Variants in ZSWIM8 observed in about 807,000 individuals in gnomAD.
The protein encoded by ZSWIM8 is zinc finger SWIM-type containing 8, also known as zinc finger SWIM domain-containing protein 8.
ZSWIM8 carries 27 observed loss-of-function variants against 173.7 expected under a neutral mutation model. The observed-to-expected ratio is 0.16, with a 90% CI of 0.11 to 0.21. ZSWIM8 has a LOEUF of 0.21. ZSWIM8 is among the 10% of genes least tolerant of loss of function. The pLI, the probability that ZSWIM8 is intolerant of heterozygous loss-of-function variation, is 1.00. For missense variants in ZSWIM8, 1,627 were observed against 2,428.8 expected (o/e 0.67, Z 6.94); for synonymous variants, 958 against 962.0 (o/e 1.00, Z 0.08).
At position 73,792,982 on chromosome 10, in the gene ZSWIM8, C is replaced by A; in HGVS notation, c.2313+130C>A. 1 of 1,131,388 alleles carries A rather than the reference C, an allele frequency of 8.8e-7. No individual in the cohort carries two copies. Among genetic ancestry groups the A allele is most frequent in the Non-Finnish European group, 1.2e-6 (1 of 812,726 alleles). The allele number at this position is 1,131,388 out of a possible 1,614,324, so 70.1% of individuals were successfully genotyped here. A position where few individuals can be genotyped will look rare whatever the true frequency, so the allele number is the denominator to read the frequency against. On this transcript the variant is annotated intron_variant, in intron 10 of 25. Coordinates refer to ENST00000604729, the MANE Select transcript of ZSWIM8 (RefSeq NM_001367799.1). The surrounding 1 kb of genome is among the most constrained non-coding windows in gnomAD (Gnocchi z 4.3). ...ACCCTGTTGCAGGCGCCGAACTGGT[C>A]TCCCTGCTTTCAGTCTACTCACTTT...
rs747609213 is a variant in ZSWIM8 at position 73,791,936 on chromosome 10, A to G, written c.1397A>G (p.Lys466Arg). ...AACGTCAAGCGGGGCCAACACAAGA[A>G]GACGCTGGAGCGGCTCTTCCCCGGC... ...IENVKRGQHK[K>R]TLERLFPGFR... The change falls in exon 10 of 26, where the codon AAG becomes AGG. Residue 466 changes from lysine (K) to arginine (R), a missense_variant. Around this residue, in one of 18 missense-constraint regions of ZSWIM8, gnomAD observed 103 missense variants for 155.6 expected, o/e 0.66. Coordinates refer to ENST00000604729, the MANE Select transcript of ZSWIM8 (RefSeq NM_001367799.1). This position sits in a 1 kb window ranked among gnomAD's most constrained non-coding sequence, Gnocchi z 6.0. The G allele has an allele frequency of 3.2e-6, 5 of 1,551,992 alleles. No homozygotes were observed. The highest frequency in any genetic ancestry group is 4.4e-6 in the Non-Finnish European group (5 of 1,147,250).
rs1338789904 is a variant in ZSWIM8 at position 73,800,817 on chromosome 10, C to G, written c.5122+58C>G. The G allele has an allele frequency of 7.5e-7, 1 of 1,335,934 alleles. No homozygotes were observed. Among genetic ancestry groups the G allele is most frequent in the Non-Finnish European group, 1.0e-6 (1 of 961,332 alleles). 82.8% of individuals were successfully genotyped at this position (1,335,934 alleles called of 1,614,324 possible). ...CCCCCCACCTGCTCTCCCCACCTTC[C>G]TTATCCCAGACCTCCTTCCTAGCTC... On this transcript the variant is annotated intron_variant, in intron 24 of 25. Transcript: ENST00000604729. The surrounding 1 kb of genome is among the most constrained non-coding windows in gnomAD (Gnocchi z 4.1).
rs760388075 is a variant in ZSWIM8 at position 73,797,219 on chromosome 10, C to G, written c.3381C>G (p.Gly1127=). The change falls in exon 17 of 26, where the codon GGC becomes GGG. Residue 1127 remains glycine, a synonymous_variant. Transcript: ENST00000604729. The surrounding 1 kb of genome is among the most constrained non-coding windows in gnomAD (Gnocchi z 5.6). ...GCTTGGCACTTGGCAGTCGTGGAGG[C>G]TATAATGGACGGGGATGGGGGTCCC... ...PSRLALGSRG[G]YNGRGWGSPG... 1 of 1,613,996 alleles carries G rather than the reference C, an allele frequency of 6.2e-7. No individual in the cohort carries two copies. The highest frequency in any genetic ancestry group is 8.5e-7 in the Non-Finnish European group (1 of 1,179,870).
At position 73,800,801 on chromosome 10, in the gene ZSWIM8, T is replaced by G; in HGVS notation, c.5122+42T>G. The G allele has an allele frequency of 8.5e-6, 9 of 1,061,718 alleles. No individual in the cohort carries two copies. Among genetic ancestry groups the G allele is most frequent in the Non-Finnish European group, 1.2e-5 (9 of 725,436 alleles). The allele number at this position is 1,061,718 out of a possible 1,614,324, so 65.8% of individuals were successfully genotyped here. A position where few individuals can be genotyped will look rare whatever the true frequency, so the allele number is the denominator to read the frequency against. ...CTAGGACCATTGCCCCCCCCCCACC[T>G]GCTCTCCCCACCTTCCTTATCCCAG... On this transcript the variant is annotated intron_variant, in intron 24 of 25. Transcript: ENST00000604729. This position sits in a 1 kb window ranked among gnomAD's most constrained non-coding sequence, Gnocchi z 4.1.
Position 73,791,920 on chromosome 10 carries a change from C to A in ZSWIM8, c.1381C>A (p.Arg461=). The A allele has an allele frequency of 1.3e-6, 2 of 1,551,468 alleles. No homozygotes were observed. The highest frequency in any genetic ancestry group is 1.7e-6 in the Non-Finnish European group (2 of 1,146,882). ...WQLKVIENVK[R]GQHKKTLERL... Reference sequence around the variant, plus strand: ...ACTGAAGGTGATTGAGAACGTCAAGCGGGGCCAACACAAGAAGACGCTGGA... The same window carrying A: ...ACTGAAGGTGATTGAGAACGTCAAGAGGGGCCAACACAAGAAGACGCTGGA... Residue 461 remains arginine (R), a synonymous_variant, in exon 10 of 26, where the codon CGG becomes AGG. Transcript: ENST00000604729. The surrounding 1 kb of genome is among the most constrained non-coding windows in gnomAD (Gnocchi z 6.0).
At chr10:73,786,303 C>T (rs1251711125) in intron 1 of ZSWIM8, 3 of 538,658 alleles carry the variant, frequency 5.6e-6, no homozygotes, top group African/African-American at 3.9e-5. Context: ...GGTGGGCTGG[C>T]TTCTCCACAC....
rs1463281521 is a variant in ZSWIM8 at position 73,800,890 on chromosome 10, G to A, written c.5123-127G>A. The A allele has an allele frequency of 7.4e-6, 9 of 1,209,618 alleles. No individual in the cohort carries two copies. Among genetic ancestry groups the A allele is most frequent in the Non-Finnish European group, 1.0e-5 (9 of 864,072 alleles). The allele number at this position is 1,209,618 out of a possible 1,614,324, so 74.9% of individuals were successfully genotyped here. A position where few individuals can be genotyped will look rare whatever the true frequency, so the allele number is the denominator to read the frequency against. ...TCGGGTATGTGTGCGTGCGCGGGGG[G>A]CGGAGGGTTACCTCAGCTCCTGGGG... On this transcript the variant is annotated intron_variant, in intron 24 of 25. Transcript: ENST00000604729. This position sits in a 1 kb window ranked among gnomAD's most constrained non-coding sequence, Gnocchi z 4.1.
chr10:73,790,377 C>A, intron 7 of ZSWIM8, 85 bp downstream of exon 7: 1 of 1,510,778 alleles, frequency 6.6e-7, no homozygotes, highest in Non-Finnish European at 8.9e-7. Context: ...TCTATTCATG[C>A]CTGTGACCCC....
intron 15 of ZSWIM8, chr10:73,796,428 C>G (rs1222494659): frequency 4.8e-6 from 2 of 412,940 alleles, no homozygotes; most frequent in African/African-American, 4.1e-5. Flanking sequence ...TTGGGGACAT[C>G]TCATAAAGAA....
At chr10:73,795,004 C>A (rs1448037750) in intron 14 of ZSWIM8, 2 of 189,030 alleles carry the variant, frequency 1.1e-5, no homozygotes, top group African/African-American at 4.9e-5. Context: ...ACTCCAGAGG[C>A]TGAAGTGGGA....
intron 15 of ZSWIM8, 66 bp from the exon 16 acceptor site, chr10:73,796,707 AT>A (rs776432954): frequency 6.3e-7 from 1 of 1,585,390 alleles, no homozygotes; most frequent in Non-Finnish European, 8.6e-7. Context: ...AAGGAAGGTA[AT>A]AGAAGTCAGG....
Position 73,797,151 on chromosome 10 carries a change from G to A in ZSWIM8, c.3313G>A (p.Glu1105Lys). ...TTCCCCCTGTGAGGGTCTTCCATCT[G>A]AGGCAGCTTTGACCCCAAGGCCAGA... ...PHSPCEGLPS[E>K]AALTPRPEGK... Residue 1105 changes from glutamate (E) to lysine (K), a missense_variant, in exon 17 of 26, where the codon GAG (glutamate) becomes AAG (lysine). Glu to Lys is a moderately conservative substitution (Grantham distance 56, BLOSUM62 1). Transcript: ENST00000604729. This position sits in a 1 kb window ranked among gnomAD's most constrained non-coding sequence, Gnocchi z 5.6. 1 of 1,613,806 alleles carries A rather than the reference G, an allele frequency of 6.2e-7. No individual in the cohort carries two copies. The highest frequency in any genetic ancestry group is 8.5e-7 in the Non-Finnish European group (1 of 1,179,814).
At chr10:73,794,447 G>C in intron 13 of ZSWIM8, 94 bp from the exon 14 acceptor site, 2 of 1,558,084 alleles carry the variant, frequency 1.3e-6, no homozygotes, top group Non-Finnish European at 1.8e-6. Flanking sequence ...CAGCTTCATG[G>C]GTAGGTCTGT....
At position 73,793,915 on chromosome 10, in the gene ZSWIM8, C is replaced by A; in HGVS notation, c.2496C>A (p.Asn832Lys). 6.2e-7 allele frequency: 1 copy of A among 1,613,392 alleles called. No individual in the cohort carries two copies. Among genetic ancestry groups the A allele is most frequent in the East Asian group, 2.2e-5 (1 of 44,878 alleles). ...GCCGTCAGACCTGGGTGGCTACCAA[C>A]ACCCTGAGCAAGGCGGCCTTCCTGT... ...STSRQTWVAT[N>K]TLSKAAFLLT... The change falls in exon 12 of 26, where the codon AAC becomes AAA. Residue 832 changes from asparagine (N) to lysine (K), a missense_variant. This residue lies in a region of ZSWIM8 where 169 missense variants were observed against 235.3 expected (regional missense o/e 0.72). Coordinates refer to ENST00000604729, the MANE Select transcript of ZSWIM8 (RefSeq NM_001367799.1).
chr10:73,785,959 C>G lies in ZSWIM8; in HGVS notation c.81C>G (p.Leu27=). 5 of 1,574,448 alleles carry G rather than the reference C, an allele frequency of 3.2e-6. No individual in the cohort carries two copies. The highest frequency in any genetic ancestry group is 4.3e-6 in the Non-Finnish European group (5 of 1,160,130). ...EDSDRFEEDS[L]CSFISEAESL... ...CGGACCGTTTTGAGGAGGATTCACT[C>G]TGTTCCTTCATCTCCGAGGCCGAGA... The change falls in exon 1 of 26, where the codon CTC becomes CTG. Residue 27 remains leucine, a synonymous_variant. Transcript: ENST00000604729.
chr10:73,798,499 A>G (rs2083769205), intron 20 of ZSWIM8, 46 bp downstream of exon 20: 1 of 1,563,702 alleles, frequency 6.4e-7, no homozygotes, highest in Non-Finnish European at 8.7e-7. Context: ...GCATCTGGGC[A>G]GGGAGGTTGG....
chr10:73,795,782 A>C, intron 15 of ZSWIM8, 119 bp downstream of exon 15: 1 of 1,163,628 alleles, frequency 8.6e-7, no homozygotes, highest in East Asian at 2.7e-5. Flanking sequence ...ACATGGCGAA[A>C]CCCCGTCTCT....
In ZSWIM8 at chr10:73,791,244, T is replaced by G; in HGVS notation, c.1143+68T>G. On this transcript the variant is annotated intron_variant, in intron 8 of 25. Coordinates refer to ENST00000604729, the MANE Select transcript of ZSWIM8 (RefSeq NM_001367799.1). This position sits in a 1 kb window ranked among gnomAD's most constrained non-coding sequence, Gnocchi z 6.0. ...TCCCTCCCCCTGCCTCATCCTCCTCTTGCTGAAATGGACTCTGGGAGGGCT... is the reference window on the plus strand; with the variant it reads ...TCCCTCCCCCTGCCTCATCCTCCTCGTGCTGAAATGGACTCTGGGAGGGCT... 6.4e-7 allele frequency: 1 copy of G among 1,569,554 alleles called. No individual in the cohort carries two copies. Among genetic ancestry groups the G allele is most frequent in the Non-Finnish European group, 8.7e-7 (1 of 1,151,954 alleles).
Position 73,801,756 on chromosome 10 carries a change from T to A in ZSWIM8, c.*237T>A. 6.7e-7 allele frequency: 1 copy of A among 1,503,700 alleles called. No individual in the cohort carries two copies. The highest frequency in any genetic ancestry group is 8.8e-7 in the Non-Finnish European group (1 of 1,130,252). 93.1% of individuals were successfully genotyped at this position (1,503,700 alleles called of 1,614,324 possible). A position where few individuals can be genotyped will look rare whatever the true frequency, so the allele number is the denominator to read the frequency against. Reference sequence around the variant, plus strand: ...GCGTTGGGTGGCCTCTGGTATTTATTTGGCATTTATAAATATATAAACTCC... The same window carrying A: ...GCGTTGGGTGGCCTCTGGTATTTATATGGCATTTATAAATATATAAACTCC... On this transcript the variant is annotated 3_prime_UTR_variant, in exon 26 of 26. Transcript: ENST00000604729. The surrounding 1 kb of genome is among the most constrained non-coding windows in gnomAD (Gnocchi z 4.9).
Sources: gnomAD v4.1 joint callset for allele counts on GRCh38, gnomAD v4.1.1 for gene constraint, gnomAD v4.1.1 regional missense constraint, Gnocchi (gnomAD v3.1) non-coding constraint, MANE v1.5 for transcripts, NCBI Gene and HGNC (gene_info 2026-07-23, HGNC 2026-07-21) for gene names.